AGMO: variants seen among roughly 807,000 people sequenced by gnomAD.
The protein encoded by AGMO is glyceryl-ether monooxygenase.
AGMO carries 75 observed loss-of-function variants against 60.2 expected under a neutral mutation model. The ratio of observed to expected loss-of-function variants is 1.25; its 90% CI spans 1.03 to 1.51. AGMO has a LOEUF of 1.51. AGMO is among the 40% of genes most tolerant of loss of function. The pLI, the probability that AGMO is intolerant of heterozygous loss-of-function variation, is 0.00. For synonymous variants in AGMO, 261 were observed against 177.1 expected (o/e 1.47, Z -3.76); for missense variants, 763 against 525.5 (o/e 1.45, Z -4.42).
intron 12 of AGMO, among the ~76,000 whole-genome samples, chr7:15,286,681 T>C (rs988200113): frequency 4.6e-5 from 7 of 152,074 alleles, no homozygotes; most frequent in Admixed American, 4.6e-4. Context: ...CTCAAAAAAC[T>C]AAAAGAAGAT....
the AGMO span, among the ~76,000 whole-genome samples, chr7:15,120,447 G>T: frequency 0.9 from 137,690 of 152,152 alleles, 62,447 homozygotes; most frequent in East Asian, 1. Context: ...CCCAATGTAA[G>T]GGTATTTGGA....
At chr7:15,227,987 C>G (rs1054914942) in intron 12 of AGMO, among the ~76,000 whole-genome samples, 2 of 152,066 alleles carry the variant, frequency 1.3e-5, no homozygotes, top group Non-Finnish European at 2.9e-5. Flanking sequence ...ATACTGACTG[C>G]CCATGTTGCT....
chr7:15,299,307 T>G (rs1563075225), intron 12 of AGMO, among the ~76,000 whole-genome samples: 1 of 152,110 alleles, frequency 6.6e-6, no homozygotes, highest in Non-Finnish European at 1.5e-5. Context: ...ATTTAGGTCT[T>G]TTTCTCTGAC....
chr7:15,268,160 T>C (rs1270200597), intron 12 of AGMO, among the ~76,000 whole-genome samples: 1 of 152,010 alleles, frequency 6.6e-6, no homozygotes, highest in African/African-American at 2.4e-5. Context: ...TTGCCTGTTA[T>C]TAATATGTAA....
At chr7:15,134,163 A>C in the AGMO span, among the ~76,000 whole-genome samples, 1 of 151,758 alleles carries the variant, frequency 6.6e-6, no homozygotes, top group Admixed American at 6.6e-5. Context: ...TAGGTATTTT[A>C]TTTTCTTTTT....
At chr7:15,292,739 CCTTT>C (rs1281786415) in intron 12 of AGMO, among the ~76,000 whole-genome samples, 1 of 145,182 alleles carries the variant, frequency 6.9e-6, no homozygotes, top group African/African-American at 2.6e-5. Context: ...ACAGTCTCCT[CCTTT>C]TTTTTTCCTT....
At chr7:15,344,883 C>T (rs7456411) in intron 12 of AGMO, among the ~76,000 whole-genome samples, 82,355 of 151,932 alleles carry the variant, frequency 0.54, 23,432 homozygotes, top group African/African-American at 0.73. Context: ...CTTACTCTAT[C>T]ACATCAGTTA....
intron 12 of AGMO, among the ~76,000 whole-genome samples, chr7:15,294,973 T>C (rs538838226): frequency 6.6e-6 from 1 of 151,822 alleles, no homozygotes; most frequent in East Asian, 1.9e-4. Context: ...TAATTAAAAA[T>C]TATGGAAGAA....
chr7:15,242,402 G>A (rs1317476138), intron 12 of AGMO, among the ~76,000 whole-genome samples: 1 of 152,146 alleles, frequency 6.6e-6, no homozygotes, highest in Non-Finnish European at 1.5e-5. Flanking sequence ...AGGTTGTAGG[G>A]TAAAATTGGG....
rs181125649 is a variant in AGMO at position 15,431,906 on chromosome 7, G to C, written c.410-798C>G. Among the ~76,000 whole-genome samples the C allele has an allele frequency of 2.6e-5, 4 of 151,842 alleles. No individual in the cohort carries two copies. The East Asian group carries it at 7.7e-4, about 29-fold the overall frequency. On this transcript the variant is annotated intron_variant, in intron 3 of 12. Coordinates refer to ENST00000342526, the MANE Select transcript of AGMO (RefSeq NM_001004320.2). ...TTTACAACAAATATGACACTGCATT[G>C]ATCCCCTAAGTAGTTGACACAGAAT...
chr7:15,290,096 C>T (rs1202545880), intron 12 of AGMO, among the ~76,000 whole-genome samples: 1 of 149,504 alleles, frequency 6.7e-6, no homozygotes, highest in Non-Finnish European at 1.5e-5. Flanking sequence ...GTGGCATGAT[C>T]TTGGCTCACT....
At chr7:15,375,929 T>C (rs558577031) in intron 10 of AGMO, among the ~76,000 whole-genome samples, 19 of 152,260 alleles carry the variant, frequency 1.2e-4, no homozygotes, top group Non-Finnish European at 2.4e-4. Context: ...TATGAAGATA[T>C]ATTTAATTTC....
chr7:15,496,847 A>G (rs771984972), intron 3 of AGMO, among the ~76,000 whole-genome samples: 23 of 152,114 alleles, frequency 1.5e-4, no homozygotes, highest in Non-Finnish European at 2.2e-4. Context: ...GTTCCCTGTC[A>G]TTTACTCTTT....
chr7:15,351,966 C>T (rs2128554125), intron 12 of AGMO, among the ~76,000 whole-genome samples: 1 of 152,302 alleles, frequency 6.6e-6, no homozygotes, highest in South Asian at 2.1e-4. Flanking sequence ...GCCCAGATAG[C>T]ATTTACATTA....
intron 5 of AGMO, among the ~76,000 whole-genome samples, chr7:15,397,656 G>A (rs1177739169): frequency 1.3e-5 from 2 of 151,674 alleles, no homozygotes; most frequent in Non-Finnish European, 2.9e-5. Flanking sequence ...TCTAATCTGG[G>A]GTGCTATCCA....
intron 12 of AGMO, among the ~76,000 whole-genome samples, chr7:15,230,771 T>C (rs1490909921): frequency 6.6e-6 from 1 of 152,106 alleles, no homozygotes; most frequent in Non-Finnish European, 1.5e-5. Flanking sequence ...CTCTTCCCCT[T>C]TGCTCTCTCC....
Position 15,351,716 on chromosome 7 carries a change from T to C in AGMO, c.1263+13798A>G, listed in dbSNP as rs181164153. ...AGCTACTACATTTTAAGTGGACACA[T>C]AAATAAAAATAAATTTATAGCAGCT... is the stretch of plus-strand genomic sequence containing the variant. On this transcript the variant is annotated intron_variant, in intron 12 of 12. Transcript: ENST00000342526. Among the ~76,000 whole-genome samples, 3 of 152,298 alleles carry C rather than the reference T, an allele frequency of 2.0e-5. No individual in the cohort carries two copies. The East Asian group carries it at 5.8e-4, about 29-fold the overall frequency.
chr7:15,272,604 C>T (rs548403490), intron 12 of AGMO, among the ~76,000 whole-genome samples: 2 of 152,182 alleles, frequency 1.3e-5, no homozygotes, highest in South Asian at 4.1e-4. Context: ...GTGCATGTAT[C>T]TTTACAGCAG....
chr7:15,179,727 C>G, the AGMO span, among the ~76,000 whole-genome samples: 1 of 152,162 alleles, frequency 6.6e-6, no homozygotes. Context: ...GCTCCTGCAG[C>G]AGGTTTCTGC....
Sources: gnomAD v4.1 joint callset for allele counts (sites outside exome capture counted in the v4.1 genomes callset) on GRCh38, gnomAD v4.1.1 for gene constraint, MANE v1.5 for transcripts, NCBI Gene and HGNC (gene_info 2026-07-23, HGNC 2026-07-21) for gene names.